The following ANO6 variants were observed in gnomAD, a reference collection of about 807,000 sequenced individuals.
The protein encoded by ANO6 is anoctamin 6, also known as anoctamin-6.
In ANO6, 106 loss-of-function variants were observed where a neutral mutation model predicts 117.5. The ratio of observed to expected loss-of-function variants is 0.90; its 90% CI spans 0.77 to 1.06. The LOEUF (loss-of-function observed/expected upper bound fraction) is 1.06. Among genes scored for constraint, ANO6 ranks in the 50% least tolerant of loss-of-function variants. The probability of loss-of-function intolerance (pLI) is 0.00; values close to 1 mark genes in which losing one functional copy is unlikely to be tolerated. For missense variants in ANO6, 955 were observed against 1,121.1 expected (o/e 0.85, Z 2.12); for synonymous variants, 367 against 385.1 (o/e 0.95, Z 0.55).
At chr12:45,351,853 T>A (rs537724428) in intron 7 of ANO6, among the ~76,000 whole-genome samples, 4 of 143,724 alleles carry the variant, frequency 2.8e-5, no homozygotes, top group Non-Finnish European at 6.0e-5. Flanking sequence ...ATTTTAAATG[T>A]TTAAGTCATT....
At chr12:45,414,043 A>G (rs74080895) in intron 16 of ANO6, among the ~76,000 whole-genome samples, 4,230 of 152,148 alleles carry the variant, frequency 0.028, 198 homozygotes, top group African/African-American at 0.096. Flanking sequence ...AAGGAACATC[A>G]GCTTATGAAC....
chr12:45,221,417 G>A (rs997992661), intron 1 of ANO6, among the ~76,000 whole-genome samples: 3 of 152,176 alleles, frequency 2.0e-5, no homozygotes, highest in South Asian at 2.1e-4. Context: ...AGAGATGGCC[G>A]GAGGAGAGTC....
intron 19 of ANO6, among the ~76,000 whole-genome samples, chr12:45,437,884 G>T (rs1362826967): frequency 1.3e-5 from 2 of 152,054 alleles, no homozygotes; most frequent in Non-Finnish European, 2.9e-5. Flanking sequence ...ACTTTTAAGA[G>T]TGTAAAATTG....
rs550717560 is a variant in ANO6, at chr12:45,228,941, C to T, written c.70+12550C>T. 1.1e-4 allele frequency among the ~76,000 whole-genome samples: 16 copies of T among 152,264 alleles called. No homozygotes were observed. In the South Asian group the frequency reaches 1.5e-3, roughly 14 times the overall value. On this transcript the variant is annotated intron_variant, in intron 1 of 19. Coordinates refer to ENST00000320560, the MANE Select transcript of ANO6 (RefSeq NM_001025356.3). ...ATCCACCCTCATATCCCTGCACAGT[C>T]TCAGAACTATGGTAATGCTGTGGTA...
chr12:45,435,603 G>T (rs796797643), downstream of ANO6, among the ~76,000 whole-genome samples: 1 of 152,068 alleles, frequency 6.6e-6, no homozygotes, highest in Non-Finnish European at 1.5e-5. Context: ...AAAACTGAAG[G>T]TTTTAATCTT....
intron 1 of ANO6, among the ~76,000 whole-genome samples, chr12:45,289,920 A>G (rs1259060549): frequency 1.3e-5 from 2 of 152,230 alleles, no homozygotes; most frequent in Non-Finnish European, 2.9e-5. Flanking sequence ...CTTAGAATTC[A>G]AACATCCATA....
intron 2 of ANO6, among the ~76,000 whole-genome samples, chr12:45,314,401 G>T (rs1371870104): frequency 6.7e-6 from 1 of 148,886 alleles, no homozygotes; most frequent in African/African-American, 2.5e-5. Context: ...TTGAGCTCAG[G>T]AGTTCAAAAC....
At position 45,429,621 on chromosome 12, in the gene ANO6, C is replaced by CT. The variant is rs757292871; in HGVS notation, c.*318dup. On this transcript the variant is annotated 3_prime_UTR_variant, in exon 20 of 20. Coordinates refer to ENST00000320560, the MANE Select transcript of ANO6 (RefSeq NM_001025356.3). The stretch of plus-strand genomic sequence containing the variant: ...CACCCCTTCTAAAGTAGAATGGATT[C>CT]TTTTTTTTCTGTTTGATTATTTTCA... 35 of 1,169,436 alleles carry CT rather than the reference C, an allele frequency of 3.0e-5. No homozygotes were observed. The highest frequency in any genetic ancestry group is 5.9e-5 in the South Asian group (3 of 50,886). 72.4% of individuals were successfully genotyped at this position (1,169,436 alleles called of 1,614,324 possible).
chr12:45,301,596 G>A (rs529990557), intron 1 of ANO6, among the ~76,000 whole-genome samples: 69 of 148,300 alleles, frequency 4.7e-4, no homozygotes, highest in Non-Finnish European at 9.3e-4. Context: ...CAGCCTGGGT[G>A]ACAGAGTGAG....
At chr12:45,420,459 T>C (rs1943329855) in intron 17 of ANO6, among the ~76,000 whole-genome samples, 1 of 151,856 alleles carries the variant, frequency 6.6e-6, no homozygotes, top group South Asian at 2.1e-4. Flanking sequence ...CTACAAAAAA[T>C]GTTTAAAGAT....
chr12:45,346,658 A>T (rs546163344), intron 3 of ANO6, among the ~76,000 whole-genome samples: 2 of 152,226 alleles, frequency 1.3e-5, no homozygotes, highest in South Asian at 4.1e-4. Flanking sequence ...GTATCAGTGA[A>T]TAGGACTCAG....
At position 45,403,552 on chromosome 12, in the gene ANO6, T is replaced by A; in HGVS notation, c.1880+16T>A. 1 of 1,592,928 alleles carries A rather than the reference T, an allele frequency of 6.3e-7. No homozygotes were observed. The highest frequency in any genetic ancestry group is 8.6e-7 in the Non-Finnish European group (1 of 1,161,316). ...TATTATTGCCGTGAGTGTTAAATTG[T>A]ATAGCCATGGGTAAAAGGACAAGGG... On this transcript the variant is annotated intron_variant, in intron 15 of 19. Coordinates refer to ENST00000320560, the MANE Select transcript of ANO6 (RefSeq NM_001025356.3).
chr12:45,259,036 A>T (rs1937934071), intron 1 of ANO6, among the ~76,000 whole-genome samples: 1 of 152,160 alleles, frequency 6.6e-6, no homozygotes, highest in Admixed American at 6.5e-5. Flanking sequence ...TGGGTTCATA[A>T]AGTTTCCATT....
intron 2 of ANO6, among the ~76,000 whole-genome samples, chr12:45,317,638 G>A (rs1326475715): frequency 6.6e-6 from 1 of 152,126 alleles, no homozygotes; most frequent in Non-Finnish European, 1.5e-5. Context: ...TATATACCCA[G>A]TAATGGGATG....
chr12:45,348,031 T>C lies in ANO6; in HGVS notation c.349T>C (p.Leu117=), dbSNP rs1422650178. 1.2e-6 allele frequency: 2 copies of C among 1,613,664 alleles called. No individual in the cohort carries two copies. The highest frequency in any genetic ancestry group is 1.1e-5 in the South Asian group (1 of 91,074). ...CGTTTTTATTTTTCCAATATAGGTA[T>C]TGGATGACAAGCTTGTATTTGTAAA... ...GLQLEATRSV[L]DDKLVFVKVH... is the part of the protein sequence containing the mutation. The change falls in exon 5 of 20, where the codon TTG becomes CTG. Residue 117 remains leucine, a synonymous_variant. Transcript: ENST00000320560.
intron 12 of ANO6, among the ~76,000 whole-genome samples, chr12:45,396,865 C>T (rs1180921180): frequency 1.3e-5 from 2 of 152,158 alleles, no homozygotes; most frequent in African/African-American, 4.8e-5. Flanking sequence ...AATGTTAGAC[C>T]TAAAGCCATA....
intron 1 of ANO6, among the ~76,000 whole-genome samples, chr12:45,291,360 A>C (rs1444424561): frequency 5.3e-5 from 8 of 151,394 alleles, no homozygotes; most frequent in East Asian, 1.9e-4. Context: ...AAAAAAAAAA[A>C]AAAAAAAAAC....
intron 2 of ANO6, among the ~76,000 whole-genome samples, chr12:45,320,903 G>C (rs891086291): frequency 1.3e-5 from 2 of 152,014 alleles, no homozygotes; most frequent in African/African-American, 4.8e-5. Flanking sequence ...GATCTTTGTT[G>C]GTTTAAAGTC....
At chr12:45,375,304 C>G (rs1257340723) in intron 9 of ANO6, among the ~76,000 whole-genome samples, 1 of 152,138 alleles carries the variant, frequency 6.6e-6, no homozygotes. Flanking sequence ...GATTCAATGC[C>G]ATCCCCATCA....
Sources: allele counts gnomAD v4.1 joint callset (sites outside exome capture counted in the v4.1 genomes callset), GRCh38; gene constraint gnomAD v4.1.1; transcripts MANE v1.5; gene names NCBI Gene and HGNC (gene_info 2026-07-23, HGNC 2026-07-21).